The following TACC2 variants were observed in gnomAD, a reference collection of about 807,000 sequenced individuals.
The protein encoded by TACC2 is transforming acidic coiled-coil containing protein 2, also known as transforming acidic coiled-coil-containing protein 2.
In TACC2, 137 loss-of-function variants were observed where a neutral mutation model predicts 227.3. The ratio of observed to expected loss-of-function variants is 0.60; its 90% CI spans 0.52 to 0.69. The LOEUF is 0.69. Ranked by LOEUF, TACC2 falls within the 30% of genes least tolerant of loss-of-function variation. TACC2 has a pLI of 0.00. For synonymous variants in TACC2, 1,523 were observed against 1,487.5 expected (o/e 1.02, Z -0.55); for missense variants, 3,470 against 3,694.4 (o/e 0.94, Z 1.57).
At chr10:122,167,101 C>T (rs1269920604) in intron 7 of TACC2, among the ~76,000 whole-genome samples, 2 of 152,218 alleles carry the variant, frequency 1.3e-5, no homozygotes, top group Non-Finnish European at 2.9e-5. Context: ...TCCCCACACC[C>T]TGGCCACTGA....
chr10:122,070,741 A>C (rs2077948841), intron 3 of TACC2, among the ~76,000 whole-genome samples: 1 of 143,846 alleles, frequency 7.0e-6, no homozygotes, highest in East Asian at 2.1e-4. Flanking sequence ...CAAGAAGAGC[A>C]AAATTCCGTC....
chr10:122,043,562 C>T (rs59003553), intron 2 of TACC2, among the ~76,000 whole-genome samples: 1 of 96,240 alleles, frequency 1.0e-5, no homozygotes, highest in African/African-American at 3.7e-5. Flanking sequence ...CTGTCTCTCT[C>T]TCTCTCTTTC....
intron 22 of TACC2, among the ~76,000 whole-genome samples, chr10:122,253,723 C>A (rs150880574): frequency 2.0e-5 from 3 of 152,354 alleles, no homozygotes; most frequent in African/African-American, 7.2e-5. Flanking sequence ...ACATTTATCA[C>A]CTCATTTACT....
At chr10:122,161,710 A>G (rs2092822108) in intron 7 of TACC2, among the ~76,000 whole-genome samples, 2 of 152,258 alleles carry the variant, frequency 1.3e-5, no homozygotes, top group Non-Finnish European at 2.9e-5. Context: ...AAGTTGGCAG[A>G]TGAGTTCTAA....
chr10:122,190,715 G>T (rs1483309063), intron 7 of TACC2, among the ~76,000 whole-genome samples: 1 of 152,108 alleles, frequency 6.6e-6, no homozygotes, highest in Non-Finnish European at 1.5e-5. Flanking sequence ...TGTTTGTGAT[G>T]ACTCATGGGT....
Position 122,227,863 on chromosome 10 carries a change from T to C in TACC2, c.7751T>C (p.Leu2584Pro), listed in dbSNP as rs2095658982. 6.2e-7 allele frequency: 1 copy of C among 1,614,048 alleles called. No homozygotes were observed. Among genetic ancestry groups the C allele is most frequent in the Admixed American group, 1.7e-5 (1 of 59,990 alleles). ...TCAAGTTTTGAAGAGACTGAAGCCC[T>C]TGTGAACACTGCTGCGAAAAACCAG... ...SGSSFEETEA[L>P]VNTAAKNQHP... The change falls in exon 14 of 23, where the codon CTT (leucine) becomes CCT (proline). Residue 2584 changes from leucine (L) to proline (P), a missense_variant. Transcript: ENST00000369005.
At chr10:122,107,404 C>CG (rs1040252352) in intron 5 of TACC2, among the ~76,000 whole-genome samples, 9 of 152,126 alleles carry the variant, frequency 5.9e-5, no homozygotes, top group African/African-American at 1.9e-4. Context: ...GCCTGGCCAA[C>CG]ATGGTGAAAC....
chr10:122,149,146 T>A, intron 7 of TACC2, among the ~76,000 whole-genome samples: 1 of 152,194 alleles, frequency 6.6e-6, no homozygotes, highest in Non-Finnish European at 1.5e-5. Context: ...ACAGCTGACC[T>A]CTGAGAGCTT....
chr10:122,078,308 TCC>T (rs2079064161), intron 3 of TACC2, among the ~76,000 whole-genome samples: 1 of 150,660 alleles, frequency 6.6e-6, no homozygotes, highest in African/African-American at 2.4e-5. Flanking sequence ...TTTTGCCGAC[TCC>T]TGAAAACCTG....
At chr10:122,199,632 C>G (rs186493399) in intron 8 of TACC2, among the ~76,000 whole-genome samples, 1 of 152,324 alleles carries the variant, frequency 6.6e-6, no homozygotes, top group Non-Finnish European at 1.5e-5. Context: ...TGCTTACAGA[C>G]TCTCCCTCTT....
At chr10:122,088,742 C>T in intron 5 of TACC2, 151 bp downstream of exon 5, 1 of 1,539,494 alleles carries the variant, frequency 6.5e-7, no homozygotes, top group South Asian at 1.2e-5. Flanking sequence ...TGTACAGGTA[C>T]AGCAGTACCT....
chr10:122,023,439 G>T (rs188603050), intron 2 of TACC2: 1 of 152,148 alleles, frequency 6.6e-6, no homozygotes, highest in Non-Finnish European at 1.5e-5. Flanking sequence ...AAAAGACTGG[G>T]TGTGACCATG....
intron 8 of TACC2, among the ~76,000 whole-genome samples, chr10:122,198,428 G>A (rs965103314): frequency 2.6e-5 from 4 of 152,192 alleles, no homozygotes; most frequent in Non-Finnish European, 5.9e-5. Flanking sequence ...TACAGTGACC[G>A]TGTTATTAGA....
chr10:122,119,868 A>G (rs1432312092), intron 5 of TACC2, among the ~76,000 whole-genome samples: 1 of 151,956 alleles, frequency 6.6e-6, no homozygotes, highest in Non-Finnish European at 1.5e-5. Context: ...GCAGTGAGTC[A>G]AGATCGCGCT....
At chr10:122,027,694 G>A (rs147698448) in intron 2 of TACC2, among the ~76,000 whole-genome samples, 53 of 151,084 alleles carry the variant, frequency 3.5e-4, no homozygotes, top group Non-Finnish European at 7.4e-4. Flanking sequence ...CACCTATGAC[G>A]TTCCCTATTA....
At chr10:122,107,898 C>CT (rs143830637) in intron 5 of TACC2, among the ~76,000 whole-genome samples, 86,801 of 108,604 alleles carry the variant, frequency 0.8, 34,714 homozygotes, top group East Asian at 0.95. Context: ...TTTCTTTTTT[C>CT]TTTTTTTTTT....
At position 122,180,770 on chromosome 10, in the gene TACC2, C is replaced by T. The variant is rs1030800354; in HGVS notation, c.5835-14270C>T. Among the ~76,000 whole-genome samples, 1 of 152,076 alleles carries T rather than the reference C, an allele frequency of 6.6e-6. No individual in the cohort carries two copies. The highest frequency in any genetic ancestry group is 1.5e-5 in the Non-Finnish European group (1 of 68,018). On this transcript the variant is annotated intron_variant, in intron 7 of 22. Coordinates refer to ENST00000369005, the MANE Select transcript of TACC2 (RefSeq NM_206862.4). The surrounding 1 kb of genome is among the most constrained non-coding windows in gnomAD (Gnocchi z 4.5). ...ATTTTTTTTGAGACGGAGTCTCGCT[C>T]TGTTGCCGAGGCTGGATGGAGTGCA... is the stretch of plus-strand genomic sequence containing the variant.
At chr10:122,024,122 C>T (rs1328263811) in intron 2 of TACC2, among the ~76,000 whole-genome samples, 2 of 152,182 alleles carry the variant, frequency 1.3e-5, no homozygotes, top group African/African-American at 2.4e-5. Flanking sequence ...AATCCCAGCA[C>T]TTTGGGAGGC....
chr10:122,118,097 C>T (rs1410433134), intron 5 of TACC2, among the ~76,000 whole-genome samples: 2 of 151,512 alleles, frequency 1.3e-5, no homozygotes. Flanking sequence ...CACGGCAACC[C>T]CTGCTTCCCC....
Sources: allele counts gnomAD v4.1 joint callset (sites outside exome capture counted in the v4.1 genomes callset), GRCh38; gene constraint gnomAD v4.1.1; non-coding constraint Gnocchi (gnomAD v3.1); transcripts MANE v1.5; gene names NCBI Gene and HGNC (gene_info 2026-07-23, HGNC 2026-07-21).